The following RFX7 variants were observed in gnomAD, a reference collection of about 807,000 sequenced individuals.
RFX7 encodes regulatory factor X7.
RFX7 carries 26 observed loss-of-function variants against 111.8 expected under a neutral mutation model. The ratio of observed to expected loss-of-function variants is 0.23; its 90% CI spans 0.17 to 0.32. The LOEUF is 0.32. RFX7 is among the 10% of genes least tolerant of loss of function. RFX7 has a pLI of 1.00. For missense variants in RFX7, 1,573 were observed against 1,772.9 expected, an observed-to-expected ratio of 0.89 and a Z score of 2.02; for synonymous variants, 624 against 624.4, an observed-to-expected ratio of 1.00 and a Z score of 0.01.
chr15:56,244,957 C>A (rs1174804465), upstream of RFX7, among the ~76,000 whole-genome samples: 2 of 152,202 alleles, frequency 1.3e-5, no homozygotes, highest in African/African-American at 4.8e-5. Context: ...GCCAAGGCCT[C>A]TGGCACCAAA....
At chr15:56,197,962 T>C (rs1567043758) in intron 2 of RFX7, among the ~76,000 whole-genome samples, 1 of 152,134 alleles carries the variant, frequency 6.6e-6, no homozygotes, top group African/African-American at 2.4e-5. Flanking sequence ...ATTGTGATGT[T>C]ATAAATATCA....
At chr15:56,225,376 T>C (rs2043471160) in intron 2 of RFX7, among the ~76,000 whole-genome samples, 1 of 152,176 alleles carries the variant, frequency 6.6e-6, no homozygotes, top group South Asian at 2.1e-4. Flanking sequence ...GTCATTGTCT[T>C]CATTATGGAA....
chr15:56,232,297 T>G (rs1247594729), intron 2 of RFX7, among the ~76,000 whole-genome samples: 1 of 152,210 alleles, frequency 6.6e-6, no homozygotes, highest in Non-Finnish European at 1.5e-5. Flanking sequence ...CATCCAGCTG[T>G]TTCCATACAT....
rs1229487551 is a variant in RFX7 at position 56,092,770 on chromosome 15, A to G, written c.*575T>C. ...TTAAAGTAATATTTAATTTTCCATT[A>G]TTTTCTATTTAAGCCCTTCATCGTG... On this transcript the variant is annotated 3_prime_UTR_variant, in exon 10 of 10. Coordinates refer to ENST00000559447, the MANE Select transcript of RFX7 (RefSeq NM_022841.7). 2 of 152,386 alleles carry G rather than the reference A, an allele frequency of 1.3e-5. No individual in the cohort carries two copies. The highest frequency in any genetic ancestry group is 2.9e-5 in the Non-Finnish European group (2 of 67,990). The allele number at this position is 152,386 out of a possible 1,614,324, so 9.4% of individuals were successfully genotyped here.
intron 2 of RFX7, among the ~76,000 whole-genome samples, chr15:56,220,252 CAG>C (rs2043410729): frequency 6.6e-6 from 1 of 151,988 alleles, no homozygotes; most frequent in African/African-American, 2.4e-5. Context: ...TTTTTTGAGA[CAG>C]AGTTTTGCTC....
At chr15:56,243,085 G>A in intron 2 of RFX7, 40 bp downstream of exon 2, 1 of 1,093,814 alleles carries the variant, frequency 9.1e-7, no homozygotes, top group Non-Finnish European at 1.3e-6. Flanking sequence ...GCAGAAATGT[G>A]CCTGGGCTTT....
intron 3 of RFX7, among the ~76,000 whole-genome samples, chr15:56,178,673 G>A (rs2042930541): frequency 6.6e-6 from 1 of 152,196 alleles, no homozygotes; most frequent in Admixed American, 6.5e-5. Flanking sequence ...TCCCTCACAC[G>A]TTTAAAAGAA....
intron 2 of RFX7, among the ~76,000 whole-genome samples, chr15:56,224,934 C>G (rs1178267217): frequency 6.6e-6 from 1 of 152,088 alleles, no homozygotes; most frequent in Non-Finnish European, 1.5e-5. Context: ...AGCTAACCAA[C>G]TGCACTAATA....
chr15:56,195,696 GA>G (rs1331548382), intron 2 of RFX7, among the ~76,000 whole-genome samples: 1 of 152,112 alleles, frequency 6.6e-6, no homozygotes, highest in African/African-American at 2.4e-5. Context: ...AAGATGTTTG[GA>G]ATCATACAGT....
rs373633487 is a variant in RFX7, at chr15:56,114,544, ATAG to A, written c.402-10877_402-10875del. 6.1e-3 allele frequency among the ~76,000 whole-genome samples: 927 copies of A among 152,214 alleles called. 6 individuals are homozygous for A. Among genetic ancestry groups the A allele is most frequent in the African/African-American group, 0.021 (888 of 41,528 alleles). ...CAATGATATAGTATGTTGAACAATGATAGTAGTACTAGTAAGCTGATCTTAGAC... is the reference window on the plus strand; with the variant it reads ...CAATGATATAGTATGTTGAACAATGATAGTACTAGTAAGCTGATCTTAGAC... On this transcript the variant is annotated intron_variant, in intron 5 of 9. Transcript: ENST00000559447.
chr15:56,236,558 T>G (rs956814046), intron 2 of RFX7, among the ~76,000 whole-genome samples: 1 of 152,344 alleles, frequency 6.6e-6, no homozygotes, highest in East Asian at 1.9e-4. Context: ...CTTACTATCA[T>G]GTTCCTTATA....
intron 5 of RFX7, among the ~76,000 whole-genome samples, chr15:56,134,743 A>G (rs2042272140): frequency 1.3e-5 from 2 of 151,700 alleles, no homozygotes; most frequent in Non-Finnish European, 2.9e-5. Flanking sequence ...AGCATTAGGT[A>G]TATCTCCCAA....
intron 2 of RFX7, among the ~76,000 whole-genome samples, chr15:56,214,880 A>T (rs186474797): frequency 3.1e-4 from 47 of 152,272 alleles, no homozygotes; most frequent in African/African-American, 1.1e-3. Context: ...TTCTGTGTAG[A>T]TTGAGTTTTC....
At chr15:56,110,429 C>T (rs1378436295) in intron 5 of RFX7, among the ~76,000 whole-genome samples, 10 of 131,606 alleles carry the variant, frequency 7.6e-5, no homozygotes, top group African/African-American at 2.8e-4. Flanking sequence ...GGGTCAGCCC[C>T]CCGCCCGGCC....
chr15:56,132,236 T>C (rs899237012), intron 5 of RFX7, among the ~76,000 whole-genome samples: 1 of 151,714 alleles, frequency 6.6e-6, no homozygotes, highest in African/African-American at 2.4e-5. Flanking sequence ...CAACTTCCTA[T>C]AAAAAAAATT....
intron 2 of RFX7, among the ~76,000 whole-genome samples, chr15:56,238,977 G>T (rs1414998761): frequency 6.6e-6 from 1 of 151,808 alleles, no homozygotes; most frequent in Admixed American, 6.6e-5. Flanking sequence ...GGGACTACAG[G>T]CGCACGATGC....
intron 2 of RFX7, among the ~76,000 whole-genome samples, chr15:56,214,432 T>G (rs975897589): frequency 1.3e-5 from 2 of 152,154 alleles, no homozygotes; most frequent in South Asian, 4.1e-4. Context: ...TCTCCTATAA[T>G]AGGTCAGGCG....
At chr15:56,239,066 T>G (rs1213896837) in intron 2 of RFX7, among the ~76,000 whole-genome samples, 2 of 152,026 alleles carry the variant, frequency 1.3e-5, no homozygotes, top group African/African-American at 4.8e-5. Context: ...ACTCCTGAAC[T>G]CAGGCAATCT....
chr15:56,195,899 C>T (rs571692845), intron 2 of RFX7, among the ~76,000 whole-genome samples: 7 of 152,226 alleles, frequency 4.6e-5, no homozygotes, highest in Admixed American at 6.5e-5. Flanking sequence ...ATTTCAAAAG[C>T]TCACACGTTT....
Sources: allele counts gnomAD v4.1 joint callset (sites outside exome capture counted in the v4.1 genomes callset), GRCh38; gene constraint gnomAD v4.1.1; transcripts MANE v1.5; gene names NCBI Gene and HGNC (gene_info 2026-07-23, HGNC 2026-07-21).